PLBD2: variants seen among roughly 807,000 people sequenced by gnomAD.
The protein encoded by PLBD2 is putative aminopeptidase PLBD2.
PLBD2 carries 51 observed loss-of-function variants against 68.3 expected under a neutral mutation model. The observed-to-expected ratio is 0.75, with a 90% CI of 0.60 to 0.94. PLBD2 has a LOEUF of 0.94. PLBD2 is among the 40% of genes least tolerant of loss of function. PLBD2 has a pLI of 0.00. For synonymous variants in PLBD2, 314 were observed against 339.3 expected, an observed-to-expected ratio of 0.93 and a Z score of 0.82; for missense variants, 729 against 792.2, an observed-to-expected ratio of 0.92 and a Z score of 0.96.
intron 4 of PLBD2, 38 bp from the exon 5 acceptor site, chr12:113,374,755 C>G (rs1188094507): frequency 6.2e-7 from 1 of 1,604,400 alleles, no homozygotes; most frequent in Non-Finnish European, 8.5e-7. Context: ...GCACTCACAG[C>G]AGGCGTGGTA....
rs1352145027 is a variant in PLBD2 at position 113,389,116 on chromosome 12, C to T, written c.*490C>T. On this transcript the variant is annotated 3_prime_UTR_variant, in exon 12 of 12. Transcript: ENST00000280800. ...ATTGCTCCTCCCAGCTCTGGCCCCT[C>T]TGCTCCCTCAGGAAGCAGTCCCCTC... 4 of 152,946 alleles carry T rather than the reference C, an allele frequency of 2.6e-5. No homozygotes were observed. The highest frequency in any genetic ancestry group is 4.4e-5 in the Non-Finnish European group (3 of 68,440). 9.5% of individuals were successfully genotyped at this position (152,946 alleles called of 1,614,324 possible).
Position 113,380,779 on chromosome 12 carries a change from C to T in PLBD2, c.894C>T (p.Val298=). The part of the protein sequence containing the change: ...DYPLVPGNKL[V]FSSYPGTIFS... ...CGCTGGTTCCCGGCAACAAGCTGGTCTTCTCCTCCTACCCCGGCACCATCT... is the reference window on the plus strand; with the variant it reads ...CGCTGGTTCCCGGCAACAAGCTGGTTTTCTCCTCCTACCCCGGCACCATCT... The change falls in exon 6 of 12, where the codon GTC becomes GTT. Residue 298 remains valine, a synonymous_variant. Transcript: ENST00000280800. 6.4e-7 allele frequency: 1 copy of T among 1,554,970 alleles called. No homozygotes were observed. The highest frequency in any genetic ancestry group is 8.7e-7 in the Non-Finnish European group (1 of 1,149,118).
chr12:113,383,286 G>A (rs150717657), intron 6 of PLBD2, among the ~76,000 whole-genome samples: 35 of 152,226 alleles, frequency 2.3e-4, no homozygotes, highest in Middle Eastern at 3.4e-3. Context: ...GTGGGAATGG[G>A]AGGTTGCCCA....
Position 113,388,336 on chromosome 12 carries a change from C to T in PLBD2, c.1603-123C>T, listed in dbSNP as rs1002808517. On this transcript the variant is annotated intron_variant, in intron 11 of 11. Transcript: ENST00000280800. ...CAACCTGGGTGACAGAGCAGAGACTCAAAAAAAAAAAAAGTGACAGTTCAG... is the reference window on the plus strand; with the variant it reads ...CAACCTGGGTGACAGAGCAGAGACTTAAAAAAAAAAAAAGTGACAGTTCAG... 34 of 813,628 alleles carry T rather than the reference C, an allele frequency of 4.2e-5. No homozygotes were observed. The African/African-American group carries it at 5.6e-4, about 13-fold the overall frequency. 50.4% of individuals were successfully genotyped at this position (813,628 alleles called of 1,614,324 possible). A position where few individuals can be genotyped will look rare whatever the true frequency, so the allele number is the denominator to read the frequency against.
rs143607465 is a variant in PLBD2 at position 113,385,750 on chromosome 12, G to A, written c.1286+467G>A. ...TTGGCGAATGGTGAAGGCAGGATTT[G>A]TTTTTTGTTTTTTGTTTTGAGACAG... On this transcript the variant is annotated intron_variant, in intron 9 of 11. Transcript: ENST00000280800. Among the ~76,000 whole-genome samples the A allele has an allele frequency of 7.9e-3, 1,196 of 152,234 alleles. 17 individuals are homozygous for A. Among genetic ancestry groups the A allele is most frequent in the African/African-American group, 0.026 (1,084 of 41,552 alleles).
At position 113,358,882 on chromosome 12, in the gene PLBD2, C is replaced by G; in HGVS notation, c.282C>G (p.Arg94=). Residue 94 remains arginine, a synonymous_variant, in exon 1 of 12, where the codon CGC becomes CGG. Transcript: ENST00000280800. ...VAWANLTNAI[R]ETGWAFLELG... is the part of the protein sequence containing the mutation. ...GGGCCAACCTCACCAACGCCATCCG[C>G]GAGACTGGGTAAGGGTTGGCTTATC... 1 of 1,524,710 alleles carries G rather than the reference C, an allele frequency of 6.6e-7. No individual in the cohort carries two copies. Among genetic ancestry groups the G allele is most frequent in the South Asian group, 1.2e-5 (1 of 81,962 alleles). 94.4% of individuals were successfully genotyped at this position (1,524,710 alleles called of 1,614,324 possible).
chr12:113,378,642 G>A (rs1957455151), intron 5 of PLBD2, among the ~76,000 whole-genome samples: 1 of 149,328 alleles, frequency 6.7e-6, no homozygotes. Context: ...GATTTCAGGT[G>A]TGAGCCTCTG....
At chr12:113,382,835 T>TTTTTTGTG (rs1335785271) in intron 6 of PLBD2, among the ~76,000 whole-genome samples, 20 of 106,598 alleles carry the variant, frequency 1.9e-4, no homozygotes, top group African/African-American at 3.8e-4. Context: ...TGGTGGTTTT[T>TTTTTTGTG]TGTGTGTGTG....
intron 1 of PLBD2, among the ~76,000 whole-genome samples, chr12:113,368,869 G>A (rs1255001057): frequency 6.6e-6 from 1 of 152,160 alleles, no homozygotes; most frequent in Admixed American, 6.5e-5. Context: ...AGGGAATATA[G>A]ATATGTTCTG....
Position 113,385,279 on chromosome 12 carries a change from A to AT in PLBD2, c.1283dup (p.Pro429ThrfsTer26), listed in dbSNP as rs1340119401. On this transcript the variant is annotated frameshift_variant, in exon 9 of 12. Transcript: ENST00000280800. LOFTEE classifies it high-confidence loss of function. ...GAAGACCTACTGGGCCAGCTACAAC[A>AT]TACCGTGCGTGCCTTCTCACTCCGC... 6.2e-7 allele frequency: 1 copy of AT among 1,613,920 alleles called. No individual in the cohort carries two copies. The highest frequency in any genetic ancestry group is 8.5e-7 in the Non-Finnish European group (1 of 1,179,934).
rs1308622845 is a variant in PLBD2, at chr12:113,358,657, G to A, written c.57G>A (p.Arg19=). 3.4e-6 allele frequency: 5 copies of A among 1,460,872 alleles called. No individual in the cohort carries two copies. The highest frequency in any genetic ancestry group is 6.1e-5 in the East Asian group (2 of 32,914). The allele number at this position is 1,460,872 out of a possible 1,614,324, so 90.5% of individuals were successfully genotyped here. A position where few individuals can be genotyped will look rare whatever the true frequency, so the allele number is the denominator to read the frequency against. The change falls in exon 1 of 12, where the codon CGG becomes CGA. Residue 19 remains arginine, a synonymous_variant. Transcript: ENST00000280800. ...PGSHLARALT[R]ALALALVLAL... ...GCCACCTGGCCCGGGCGCTGACGCGGGCGCTGGCGCTGGCCCTGGTGCTGG... is the reference window on the plus strand; with the variant it reads ...GCCACCTGGCCCGGGCGCTGACGCGAGCGCTGGCGCTGGCCCTGGTGCTGG...
chr12:113,375,071 C>T (rs915228640), intron 5 of PLBD2, 64 bp downstream of exon 5: 33 of 1,492,868 alleles, frequency 2.2e-5, no homozygotes, highest in Admixed American at 1.4e-4. Flanking sequence ...GGGGAGTGGT[C>T]CTAGGAGGTT....
intron 5 of PLBD2, among the ~76,000 whole-genome samples, chr12:113,377,650 A>G (rs1004350837): frequency 2.0e-5 from 3 of 152,024 alleles, no homozygotes; most frequent in African/African-American, 7.2e-5. Context: ...GGTCTTGAAT[A>G]CCTGACCTCA....
At chr12:113,361,573 C>G (rs1223093950) in intron 1 of PLBD2, among the ~76,000 whole-genome samples, 1 of 151,928 alleles carries the variant, frequency 6.6e-6, no homozygotes, top group African/African-American at 2.4e-5. Flanking sequence ...TCTTGAACTC[C>G]TGGGCTCAAG....
At chr12:113,361,300 C>T (rs540318438) in intron 1 of PLBD2, among the ~76,000 whole-genome samples, 2 of 148,432 alleles carry the variant, frequency 1.3e-5, no homozygotes, top group South Asian at 2.2e-4. Context: ...CACCATAATC[C>T]TTCGTCTTTT....
In PLBD2 at chr12:113,388,919, C is replaced by T. The variant is rs1565866765; in HGVS notation, c.*293C>T. 1 of 266,468 alleles carries T rather than the reference C, an allele frequency of 3.8e-6. No individual in the cohort carries two copies. The highest frequency in any genetic ancestry group is 7.0e-6 in the Non-Finnish European group (1 of 142,634). 16.5% of individuals were successfully genotyped at this position (266,468 alleles called of 1,614,324 possible). A position where few individuals can be genotyped will look rare whatever the true frequency, so the allele number is the denominator to read the frequency against. The stretch of plus-strand genomic sequence containing the variant: ...TGCTCTCTCAACCTCATTCCCACCT[C>T]TGGGGCCCCTTCCTCGTGCTTCTCC... On this transcript the variant is annotated 3_prime_UTR_variant, in exon 12 of 12. Transcript: ENST00000280800.
At chr12:113,378,359 G>C (rs1957452534) in intron 5 of PLBD2, among the ~76,000 whole-genome samples, 1 of 151,764 alleles carries the variant, frequency 6.6e-6, no homozygotes, top group Non-Finnish European at 1.5e-5. Context: ...CATCATTGTA[G>C]TATTATACAG....
chr12:113,386,790 A>G, intron 9 of PLBD2, 147 bp from the exon 10 acceptor site: 1 of 878,608 alleles, frequency 1.1e-6, no homozygotes, highest in Non-Finnish European at 1.6e-6. Context: ...AAGTATTGGG[A>G]TTACAGGTGT....
chr12:113,360,355 A>C (rs995397925), intron 1 of PLBD2, among the ~76,000 whole-genome samples: 1 of 152,204 alleles, frequency 6.6e-6, no homozygotes, highest in Non-Finnish European at 1.5e-5. Flanking sequence ...AGCAGAATCA[A>C]GAGGACATGA....
Sources: gnomAD v4.1 joint callset for allele counts (sites outside exome capture counted in the v4.1 genomes callset) on GRCh38, gnomAD v4.1.1 for gene constraint, MANE v1.5 for transcripts, NCBI Gene and HGNC (gene_info 2026-07-23, HGNC 2026-07-21) for gene names.